The following MSANTD2 variants were observed in gnomAD, a reference collection of about 807,000 sequenced individuals.
MSANTD2 encodes the protein myb/SANT-like DNA-binding domain-containing protein 2.
Under a neutral mutation model 52.6 loss-of-function variants are expected in MSANTD2, and 19 were observed. The observed-to-expected ratio is 0.36, with a 90% CI of 0.25 to 0.53. The LOEUF (loss-of-function observed/expected upper bound fraction) is 0.53. Ranked by LOEUF, MSANTD2 falls within the 20% of genes least tolerant of loss-of-function variation. The pLI is 0.91. For synonymous variants in MSANTD2, 291 were observed against 289.7 expected (o/e 1.00, Z -0.04); for missense variants, 558 against 716.3 (o/e 0.78, Z 2.52).
intron 1 of MSANTD2, among the ~76,000 whole-genome samples, chr11:124,796,340 C>G (rs1024165760): frequency 6.6e-6 from 1 of 152,124 alleles, no homozygotes; most frequent in African/African-American, 2.4e-5. Flanking sequence ...CAGAAATTAT[C>G]TGACTAAAGG....
At chr11:124,792,079 A>G (rs1945350279) in intron 1 of MSANTD2, 3 of 153,928 alleles carry the variant, frequency 1.9e-5, no homozygotes, top group Non-Finnish European at 4.3e-5. Flanking sequence ...TCCCAGGGTA[A>G]AATATATTTC....
intron 1 of MSANTD2, among the ~76,000 whole-genome samples, chr11:124,796,354 G>C (rs1392236287): frequency 1.3e-5 from 2 of 152,138 alleles, no homozygotes; most frequent in Non-Finnish European, 2.9e-5. Flanking sequence ...CTAAAGGAAG[G>C]TTTGCATGGA....
intron 1 of MSANTD2, among the ~76,000 whole-genome samples, chr11:124,798,547 T>C (rs1407520559): frequency 6.6e-6 from 1 of 152,202 alleles, no homozygotes; most frequent in Non-Finnish European, 1.5e-5. Context: ...AAATTTGTAA[T>C]GGAGTAATTA....
intron 1 of MSANTD2, among the ~76,000 whole-genome samples, chr11:124,796,523 T>C (rs556610394): frequency 1.2e-4 from 18 of 152,202 alleles, no homozygotes; most frequent in Non-Finnish European, 2.5e-4. Context: ...CATGGCACAC[T>C]GCAGCCTCAA....
Position 124,774,101 on chromosome 11 carries a change from A to G in MSANTD2, c.766+618T>C, listed in dbSNP as rs1438848651. On this transcript the variant is annotated intron_variant, in intron 2 of 3. Coordinates refer to ENST00000374979, the MANE Select transcript of MSANTD2 (RefSeq NM_001308027.2). The surrounding 1 kb of genome is among the most constrained non-coding windows in gnomAD (Gnocchi z 5.1). ...TTCCATTTTTAATGCCTATGACTGT[A>G]TAAATAATTCCAGCTACTGTTGGGA... is the stretch of plus-strand genomic sequence containing the variant. Among the ~76,000 whole-genome samples the G allele has an allele frequency of 6.6e-6, 1 of 152,254 alleles. No homozygotes were observed. Among genetic ancestry groups the G allele is most frequent in the Non-Finnish European group, 1.5e-5 (1 of 68,050 alleles).
chr11:124,783,157 C>A (rs189513806), intron 1 of MSANTD2, among the ~76,000 whole-genome samples: 1 of 152,156 alleles, frequency 6.6e-6, no homozygotes, highest in Non-Finnish European at 1.5e-5. Flanking sequence ...CCACCACAAA[C>A]GAAGAGATCT....
chr11:124,785,595 G>A (rs1291297884), intron 1 of MSANTD2, among the ~76,000 whole-genome samples: 2 of 152,228 alleles, frequency 1.3e-5, no homozygotes, highest in African/African-American at 4.8e-5. Context: ...CCACCAGAGA[G>A]TGGGGGGCCC....
intron 1 of MSANTD2, chr11:124,783,993 C>T: frequency 1.0e-6 from 1 of 985,388 alleles, no homozygotes; most frequent in Non-Finnish European, 1.2e-6. Flanking sequence ...AAGAATCCTT[C>T]AAGACAAGGA....
chr11:124,791,347 C>A, intron 1 of MSANTD2: 1 of 1,399,818 alleles, frequency 7.1e-7, no homozygotes, highest in Non-Finnish European at 1.0e-6. Context: ...TACAGCTGCT[C>A]CGTGAATGTG....
chr11:124,791,866 G>A (rs1227830554), intron 1 of MSANTD2: 1 of 426,458 alleles, frequency 2.3e-6, no homozygotes, highest in African/African-American at 2.0e-5. Flanking sequence ...AGGCTCTACA[G>A]CTGGAGTGTC....
At chr11:124,783,957 C>T (rs1945072540) in intron 1 of MSANTD2, 1 of 985,248 alleles carries the variant, frequency 1.0e-6, no homozygotes, top group Non-Finnish European at 1.2e-6. Context: ...CATGCATGTT[C>T]ATGTATAAGA....
chr11:124,772,275 T>A (rs1016366955), intron 3 of MSANTD2, among the ~76,000 whole-genome samples: 1 of 152,174 alleles, frequency 6.6e-6, no homozygotes, highest in Non-Finnish European at 1.5e-5. Context: ...TAAACTCAGG[T>A]TCCTGTGACT....
At chr11:124,771,078 G>C (rs566800675) in intron 3 of MSANTD2, among the ~76,000 whole-genome samples, 75 of 152,230 alleles carry the variant, frequency 4.9e-4, no homozygotes, top group Non-Finnish European at 6.8e-4. Context: ...ATGTTGGACA[G>C]GCTGCTCTCA....
chr11:124,793,299 T>A (rs900856237), intron 1 of MSANTD2, among the ~76,000 whole-genome samples: 3 of 152,254 alleles, frequency 2.0e-5, no homozygotes, highest in African/African-American at 7.2e-5. Context: ...AGATTCAGTT[T>A]GTTATTCAGT....
At chr11:124,794,990 C>T (rs967797904) in intron 1 of MSANTD2, among the ~76,000 whole-genome samples, 5 of 152,124 alleles carry the variant, frequency 3.3e-5, no homozygotes, top group Non-Finnish European at 4.4e-5. Flanking sequence ...GCGATCCTCC[C>T]GCTTCAGCCT....
chr11:124,787,196 AG>A (rs1249213934), intron 1 of MSANTD2, among the ~76,000 whole-genome samples: 2 of 152,232 alleles, frequency 1.3e-5, no homozygotes, highest in Non-Finnish European at 2.9e-5. Flanking sequence ...AATTAAGGTT[AG>A]TTCAAATAAA....
intron 1 of MSANTD2, chr11:124,791,503 A>C: frequency 9.1e-7 from 1 of 1,099,576 alleles, no homozygotes; most frequent in Non-Finnish European, 1.4e-6. Flanking sequence ...GCTGAGGGCA[A>C]GAGTTGGAGA....
At chr11:124,792,873 C>T (rs1164643345) in intron 1 of MSANTD2, 1 of 149,098 alleles carries the variant, frequency 6.7e-6, no homozygotes, top group East Asian at 1.9e-4. Context: ...TAAATCCCCT[C>T]CCCCCCTCCA....
At chr11:124,788,099 C>T (rs142921823) in intron 1 of MSANTD2, among the ~76,000 whole-genome samples, 5 of 137,990 alleles carry the variant, frequency 3.6e-5, no homozygotes, top group Admixed American at 7.3e-5. Flanking sequence ...AAAAAAAAAG[C>T]CAATTAATTA....
Sources: gnomAD v4.1 joint callset for allele counts (sites outside exome capture counted in the v4.1 genomes callset) on GRCh38, gnomAD v4.1.1 for gene constraint, Gnocchi (gnomAD v3.1) non-coding constraint, MANE v1.5 for transcripts, NCBI Gene and HGNC (gene_info 2026-07-23, HGNC 2026-07-21) for gene names.